ZNF723: variants seen among roughly 807,000 people sequenced by gnomAD.
ZNF723 encodes the protein zinc finger protein 723, pseudogene.
A neutral mutation model predicts 9.4 loss-of-function variants in ZNF723; 5 were observed. The ratio of observed to expected loss-of-function variants is 0.53; its 90% confidence interval spans 0.28 to 1.12. The LOEUF is 1.12. Among genes scored for constraint, ZNF723 ranks in the 50% most tolerant of loss-of-function variants. The pLI is 0.10. For missense variants in ZNF723, 450 were observed against 501.5 expected (o/e 0.90, Z 0.98); for synonymous variants, 158 against 168.8 (o/e 0.94, Z 0.49).
At chr19:22,827,518 G>A (rs1417033139), upstream of ZNF723, among the ~76,000 whole-genome samples, 1 of 151,930 alleles carries the variant, frequency 6.6e-6, no homozygotes, top group African/African-American at 2.4e-5. Flanking sequence ...CATGATCTTG[G>A]CTTACCACAA....
At chr19:22,825,307 G>A in the ZNF723 span, among the ~76,000 whole-genome samples, 1 of 152,112 alleles carries the variant, frequency 6.6e-6, no homozygotes, top group African/African-American at 2.4e-5. Flanking sequence ...TCATTGAAAT[G>A]GTGAGTCCTG....
the ZNF723 span, among the ~76,000 whole-genome samples, chr19:22,812,948 T>TG: frequency 2.2e-5 from 3 of 136,842 alleles, no homozygotes; most frequent in Non-Finnish European, 4.7e-5. Context: ...ATATAGAAGG[T>TG]GTTTTTTTTG....
intron 1 of ZNF723, among the ~76,000 whole-genome samples, chr19:22,835,145 G>A (rs1230844527): frequency 6.7e-6 from 1 of 149,024 alleles, no homozygotes; most frequent in Non-Finnish European, 1.5e-5. Flanking sequence ...GGTTCAAGCA[G>A]TTATCCTTTC....
chr19:22,817,704 G>C, the ZNF723 span, among the ~76,000 whole-genome samples: 1 of 152,160 alleles, frequency 6.6e-6, no homozygotes, highest in Admixed American at 6.5e-5. Context: ...TCATAGGTAT[G>C]ATTATGATTG....
upstream of ZNF723, among the ~76,000 whole-genome samples, chr19:22,828,885 A>G (rs1277559287): frequency 1.3e-5 from 2 of 152,182 alleles, no homozygotes; most frequent in Non-Finnish European, 2.9e-5. Flanking sequence ...TAAAAAATAA[A>G]TAATAGGCCA....
upstream of ZNF723, among the ~76,000 whole-genome samples, chr19:22,830,211 T>G (rs576119976): frequency 1.3e-5 from 2 of 152,260 alleles, no homozygotes; most frequent in Non-Finnish European, 2.9e-5. Flanking sequence ...TCTTTTATCC[T>G]GGCTAGAGTG....
At chr19:22,822,409 G>T in the ZNF723 span, among the ~76,000 whole-genome samples, 2 of 152,210 alleles carry the variant, frequency 1.3e-5, no homozygotes, top group African/African-American at 4.8e-5. Context: ...CTAGCCAATA[G>T]GAGATATGTT....
chr19:22,849,626 T>G (rs1271622548), intron 3 of ZNF723, among the ~76,000 whole-genome samples: 1 of 152,144 alleles, frequency 6.6e-6, no homozygotes, highest in African/African-American at 2.4e-5. Context: ...AAAACTCTGT[T>G]AGGCTGGGCA....
At chr19:22,842,064 A>G (rs984942469) in intron 1 of ZNF723, among the ~76,000 whole-genome samples, 3 of 152,100 alleles carry the variant, frequency 2.0e-5, no homozygotes, top group Admixed American at 6.6e-5. Context: ...GAGTGCAGTG[A>G]CGCAATCTTT....
intron 3 of ZNF723, among the ~76,000 whole-genome samples, chr19:22,853,424 T>C (rs1443144270): frequency 1.3e-5 from 2 of 152,298 alleles, no homozygotes; most frequent in South Asian, 2.1e-4. Flanking sequence ...CTTCAAAATA[T>C]TAATTATTTC....
At position 22,858,320 on chromosome 19, in the gene ZNF723, A is replaced by T. The variant is rs192743490; in HGVS notation, c.1429A>T (p.Arg477Ter). ...TLNKHKIIHAREKPYKCEECG... is the reference protein window; with the variant it reads ...TLNKHKIIHA ...TAATAAACATAAGATAATTCATGCT[A>T]GAGAGAAGCCTTACAAATGTGAAGA... The change falls in exon 4 of 4, where the codon AGA becomes TGA. Residue 477 changes from arginine (R) to a stop codon, truncating the protein, a stop_gained. Transcript: ENST00000600766. LOFTEE classifies it low-confidence loss of function (END_TRUNC). 7.4e-5 allele frequency: 83 copies of T among 1,116,724 alleles called. No homozygotes were observed. Among genetic ancestry groups the T allele is most frequent in the Non-Finnish European group, 9.1e-5 (67 of 738,616 alleles). The allele number at this position is 1,116,724 out of a possible 1,614,324, so 69.2% of individuals were successfully genotyped here.
chr19:22,814,196 T>C, the ZNF723 span, among the ~76,000 whole-genome samples: 29,080 of 152,142 alleles, frequency 0.19, 2,718 homozygotes, highest in African/African-American at 0.23. Flanking sequence ...TTGACTCATA[T>C]CTGGGCTTAA....
chr19:22,825,342 T>C, the ZNF723 span, among the ~76,000 whole-genome samples: 1 of 152,168 alleles, frequency 6.6e-6, no homozygotes, highest in Non-Finnish European at 1.5e-5. Context: ...TCACAGGAGA[T>C]GTTGACTCTC....
At chr19:22,830,910 G>A (rs1196464309), upstream of ZNF723, among the ~76,000 whole-genome samples, 2 of 151,930 alleles carry the variant, frequency 1.3e-5, no homozygotes, top group Non-Finnish European at 2.9e-5. Flanking sequence ...TTATAGGTGC[G>A]CACCACCATG....
the ZNF723 span, among the ~76,000 whole-genome samples, chr19:22,827,112 G>A: frequency 5.9e-5 from 9 of 152,196 alleles, no homozygotes; most frequent in African/African-American, 2.2e-4. Flanking sequence ...CCCCAAAATA[G>A]GGCTGTATAG....
intron 1 of ZNF723, 52 bp downstream of exon 1, chr19:22,832,434 C>A: frequency 7.4e-7 from 1 of 1,358,024 alleles, no homozygotes; most frequent in Non-Finnish European, 1.0e-6. Context: ...TGGTTGGAAC[C>A]GGTGGGAAGT....
chr19:22,836,507 A>G (rs1438552700), intron 1 of ZNF723, among the ~76,000 whole-genome samples: 3 of 152,232 alleles, frequency 2.0e-5, no homozygotes, highest in African/African-American at 4.8e-5. Context: ...AAGATTAGAA[A>G]GAAGGTGGTA....
At chr19:22,850,492 G>T (rs1967379159) in intron 3 of ZNF723, among the ~76,000 whole-genome samples, 1 of 136,944 alleles carries the variant, frequency 7.3e-6, no homozygotes, top group African/African-American at 2.9e-5. Flanking sequence ...CAGGCGCTGG[G>T]TCTTTTTTTT....
At chr19:22,856,962 T>C (rs1250159420) in intron 3 of ZNF723, among the ~76,000 whole-genome samples, 156 bp from the exon 4 acceptor site, 1 of 152,230 alleles carries the variant, frequency 6.6e-6, no homozygotes, top group Non-Finnish European at 1.5e-5. Context: ...TTGGTCTGTA[T>C]GTTTTTGTTA....
Sources: gnomAD v4.1 joint callset for allele counts (sites outside exome capture counted in the v4.1 genomes callset) on GRCh38, gnomAD v4.1.1 for gene constraint, MANE v1.5 for transcripts, NCBI Gene and HGNC (gene_info 2026-07-23, HGNC 2026-07-21) for gene names.